SLC6A7: variants seen among roughly 807,000 people sequenced by gnomAD.
The protein encoded by SLC6A7 is solute carrier family 6 member 7.
Under a neutral mutation model 73.1 loss-of-function variants are expected in SLC6A7, and 58 were observed. That is an observed-to-expected ratio of 0.79 (90% CI 0.64 to 0.99). The LOEUF is 0.99. SLC6A7 is among the 50% of genes least tolerant of loss of function. SLC6A7 has a pLI of 0.00. For synonymous variants in SLC6A7, 338 were observed against 338.7 expected (o/e 1.00, Z 0.02); for missense variants, 783 against 831.4 (o/e 0.94, Z 0.72).
intron 4 of SLC6A7, among the ~76,000 whole-genome samples, chr5:150,198,536 G>A (rs1753194159): frequency 1.3e-5 from 2 of 151,444 alleles, no homozygotes; most frequent in African/African-American, 4.9e-5. Flanking sequence ...CAGCTGCCAG[G>A]GTGGTTCTCC....
intron 1 of SLC6A7, among the ~76,000 whole-genome samples, chr5:150,191,570 A>G (rs1251357455): frequency 6.6e-6 from 1 of 151,866 alleles, no homozygotes; most frequent in Non-Finnish European, 1.5e-5. Flanking sequence ...AGCTGGGACT[A>G]TAGGCGCCCG....
At chr5:150,195,743 A>G (rs1216540608) in intron 2 of SLC6A7, among the ~76,000 whole-genome samples, 1 of 152,228 alleles carries the variant, frequency 6.6e-6, no homozygotes, top group Non-Finnish European at 1.5e-5. Context: ...GAGAAATCCA[A>G]ATAAAGCTAG....
In SLC6A7 at chr5:150,196,704, C is replaced by G. The variant is rs1447879165; in HGVS notation, c.218-12C>G. The G allele has an allele frequency of 1.2e-6, 2 of 1,611,032 alleles. No individual in the cohort carries two copies. The highest frequency in any genetic ancestry group is 2.2e-5 in the East Asian group (1 of 44,862). On this transcript the variant is annotated splice_polypyrimidine_tract_variant and intron_variant, in intron 2 of 13. Coordinates refer to ENST00000230671, the MANE Select transcript of SLC6A7 (RefSeq NM_014228.5). ...CCCCCAAGGCCCTTGCTGACCACCC[C>G]GCTCCCGGCAGGCGCCTTCCTCGTG...
In SLC6A7 at chr5:150,204,300, C is replaced by T. The variant is rs188489903; in HGVS notation, c.1333-232C>T. The stretch of plus-strand genomic sequence containing the variant: ...GAGGGGGCTTCAGGATAAATGATTT[C>T]CCCTCCCTGAGATTGTTTTTCCTCA... On this transcript the variant is annotated intron_variant, in intron 10 of 13. Coordinates refer to ENST00000230671, the MANE Select transcript of SLC6A7 (RefSeq NM_014228.5). Among the ~76,000 whole-genome samples, 228 of 152,320 alleles carry T rather than the reference C, an allele frequency of 1.5e-3. 1 individual carries two copies. Among genetic ancestry groups the T allele is most frequent in the African/African-American group, 5.1e-3 (213 of 41,570 alleles).
At chr5:150,194,362 G>C (rs529382853) in intron 1 of SLC6A7, among the ~76,000 whole-genome samples, 10 of 151,928 alleles carry the variant, frequency 6.6e-5, no homozygotes, top group African/African-American at 2.4e-4. Flanking sequence ...CCGGGAGGTG[G>C]AGGTTGCGGT....
rs537507104 is a variant in SLC6A7, at chr5:150,204,648, G to C, written c.1432+17G>C. Reference sequence around the variant, plus strand: ...GGGTGTATGGTGAGAAGAGCCGTGGGAAGTGGAGTCGAGCTCTCCGCAGTG... The same window carrying C: ...GGGTGTATGGTGAGAAGAGCCGTGGCAAGTGGAGTCGAGCTCTCCGCAGTG... On this transcript the variant is annotated intron_variant, in intron 11 of 13. Transcript: ENST00000230671. 6.4e-7 allele frequency: 1 copy of C among 1,574,456 alleles called. No homozygotes were observed. Among genetic ancestry groups the C allele is most frequent in the African/African-American group, 1.3e-5 (1 of 74,376 alleles).
In SLC6A7 at chr5:150,209,819, A is replaced by C. The variant is rs1753885127; in HGVS notation, c.*204A>C. 5 of 597,920 alleles carry C rather than the reference A, an allele frequency of 8.4e-6. No individual in the cohort carries two copies. Among genetic ancestry groups the C allele is most frequent in the Non-Finnish European group, 1.5e-5 (5 of 332,074 alleles). The allele number at this position is 597,920 out of a possible 1,614,324, so 37.0% of individuals were successfully genotyped here. ...CAACCCCCTACACACACACACAGGC[A>C]TACTCAGACCCACTCAAAGCTGAGA... On this transcript the variant is annotated 3_prime_UTR_variant, in exon 14 of 14. Coordinates refer to ENST00000230671, the MANE Select transcript of SLC6A7 (RefSeq NM_014228.5).
At chr5:150,207,760 T>G (rs80243857) in intron 13 of SLC6A7, among the ~76,000 whole-genome samples, 5,857 of 152,198 alleles carry the variant, frequency 0.038, 165 homozygotes, top group Middle Eastern at 0.071. Context: ...GGGCGGATGG[T>G]AAAAGTACTA....
Position 150,209,678 on chromosome 5 carries a change from C to G in SLC6A7, c.*63C>G. The G allele has an allele frequency of 7.6e-7, 1 of 1,320,026 alleles. No individual in the cohort carries two copies. The highest frequency in any genetic ancestry group is 2.0e-5 in the Admixed American group (1 of 50,466). The allele number at this position is 1,320,026 out of a possible 1,614,324, so 81.8% of individuals were successfully genotyped here. ...CTCACAGTCCCTTCTTAGAAGCCTG[C>G]AAAGGTCAGCTGTGCCCTCTGGGAT... On this transcript the variant is annotated 3_prime_UTR_variant, in exon 14 of 14. Transcript: ENST00000230671.
At chr5:150,202,556 C>G (rs566499595) in intron 7 of SLC6A7, 23 bp from the exon 8 acceptor site, 2 of 1,613,150 alleles carry the variant, frequency 1.2e-6, no homozygotes, top group Non-Finnish European at 1.7e-6. Context: ...CACCCTGGCC[C>G]GCACCTGGAC....
intron 13 of SLC6A7, among the ~76,000 whole-genome samples, chr5:150,206,091 C>A (rs1293900569): frequency 6.6e-6 from 1 of 152,164 alleles, no homozygotes; most frequent in Non-Finnish European, 1.5e-5. Context: ...GGGACTCAGA[C>A]AAACAGAGAG....
chr5:150,194,705 T>C, intron 1 of SLC6A7, 23 bp from the exon 2 acceptor site: 2 of 1,606,570 alleles, frequency 1.2e-6, no homozygotes, highest in Non-Finnish European at 1.7e-6. Context: ...CTCCCCAACC[T>C]CTTTGGTCTC....
intron 1 of SLC6A7, among the ~76,000 whole-genome samples, chr5:150,191,202 G>C (rs1752766971): frequency 6.6e-6 from 1 of 152,214 alleles, no homozygotes; most frequent in Non-Finnish European, 1.5e-5. Flanking sequence ...CTCTGGCTAA[G>C]CCCTAGCCTG....
intron 1 of SLC6A7, 42 bp downstream of exon 1, chr5:150,190,402 A>G: frequency 7.2e-7 from 1 of 1,396,768 alleles, no homozygotes. Context: ...CACCTGGAGG[A>G]GGGTTGGAGA....
chr5:150,205,491 C>T lies in SLC6A7; in HGVS notation c.1569C>T (p.Pro523=), dbSNP rs914658264. Residue 523 remains proline (P), a synonymous_variant, in exon 13 of 14, where the codon CCC becomes CCT. Coordinates refer to ENST00000230671, the MANE Select transcript of SLC6A7 (RefSeq NM_014228.5). ...LMVYSIVKYQ[P]SEYGSYRFPP... ...TGTATAGCATCGTCAAGTACCAGCCCTCGGAGTATGGCAGTTACCGCTTCC... is the reference window on the plus strand; with the variant it reads ...TGTATAGCATCGTCAAGTACCAGCCTTCGGAGTATGGCAGTTACCGCTTCC... The T allele has an allele frequency of 6.2e-7, 1 of 1,612,652 alleles. No homozygotes were observed. Among genetic ancestry groups the T allele is most frequent in the Non-Finnish European group, 8.5e-7 (1 of 1,179,284 alleles).
At chr5:150,199,457 GA>G in intron 5 of SLC6A7, 91 bp downstream of exon 5, 1 of 879,928 alleles carries the variant, frequency 1.1e-6, no homozygotes, top group Non-Finnish European at 1.8e-6. Flanking sequence ...ATGAGAAGAT[GA>G]AGAGACTTCA....
Position 150,205,479 on chromosome 5 carries a change from C to T in SLC6A7, c.1557C>T (p.Val519=), listed in dbSNP as rs1208713245. Residue 519 remains valine, a synonymous_variant, in exon 13 of 14, where the codon GTC becomes GTT. Coordinates refer to ENST00000230671, the MANE Select transcript of SLC6A7 (RefSeq NM_014228.5). The part of the protein sequence containing the change: ...TLLALMVYSI[V]KYQPSEYGSY... The stretch of plus-strand genomic sequence containing the variant: ...AGGCCCTCATGGTGTATAGCATCGT[C>T]AAGTACCAGCCCTCGGAGTATGGCA... 5.6e-6 allele frequency: 9 copies of T among 1,609,872 alleles called. No homozygotes were observed. Among genetic ancestry groups the T allele is most frequent in the Non-Finnish European group, 7.6e-6 (9 of 1,178,062 alleles).
intron 13 of SLC6A7, among the ~76,000 whole-genome samples, chr5:150,207,971 A>G (rs554379932): frequency 6.6e-6 from 1 of 151,486 alleles, no homozygotes; most frequent in East Asian, 1.9e-4. Flanking sequence ...CCTGTCATCT[A>G]GTGGGCAGAG....
At position 150,205,596 on chromosome 5, in the gene SLC6A7, G is replaced by A. The variant is rs1280293201; in HGVS notation, c.1674G>A (p.Val558=). The change falls in exon 13 of 14, where the codon GTG becomes GTA. Residue 558 remains valine (V), a synonymous_variant. Transcript: ENST00000230671. ...LMIPAGMLVA[V]LREEGSLWER... ...TCCCAGCTGGCATGCTGGTGGCTGT[G>A]CTTCGAGAAGAGGGCTCACTCTGGG... 1 of 1,612,460 alleles carries A rather than the reference G, an allele frequency of 6.2e-7. No individual in the cohort carries two copies.
Sources: gnomAD v4.1 joint callset for allele counts (sites outside exome capture counted in the v4.1 genomes callset) on GRCh38, gnomAD v4.1.1 for gene constraint, MANE v1.5 for transcripts, NCBI Gene and HGNC (gene_info 2026-07-23, HGNC 2026-07-21) for gene names.